Variants in HEMK2 observed in about 807,000 individuals in gnomAD.
HEMK2 encodes methyltransferase HEMK2.
At chr21:28,579,616 T>G in the HEMK2 span, among the ~76,000 whole-genome samples, 2 of 152,156 alleles carry the variant, frequency 1.3e-5, no homozygotes, top group African/African-American at 4.8e-5. Context: ...AATATATATT[T>G]AAGAGAGCTA....
the HEMK2 span, among the ~76,000 whole-genome samples, chr21:28,855,141 T>C: frequency 6.6e-6 from 1 of 151,992 alleles, no homozygotes; most frequent in East Asian, 1.9e-4. Flanking sequence ...ATGACACCTG[T>C]AGGCTCAAAG....
chr21:28,576,780 G>T, the HEMK2 span, among the ~76,000 whole-genome samples: 10 of 152,026 alleles, frequency 6.6e-5, no homozygotes, highest in African/African-American at 2.4e-4. Flanking sequence ...GTGCAATCTC[G>T]GTTCACTGCA....
the HEMK2 span, among the ~76,000 whole-genome samples, chr21:28,764,721 G>T: frequency 6.6e-6 from 1 of 152,100 alleles, no homozygotes; most frequent in African/African-American, 2.4e-5. Flanking sequence ...GGCTGCAGCT[G>T]TCAGGAAAGA....
the HEMK2 span, chr21:28,879,912 A>T: frequency 6.3e-7 from 1 of 1,599,726 alleles, no homozygotes; most frequent in Non-Finnish European, 8.5e-7. Context: ...TAAACACCAG[A>T]AGATCAACTT....
At chr21:28,733,008 G>T in the HEMK2 span, among the ~76,000 whole-genome samples, 1 of 152,146 alleles carries the variant, frequency 6.6e-6, no homozygotes, top group East Asian at 1.9e-4. Context: ...GACCAGGCGT[G>T]GTGGCTCATA....
chr21:28,794,166 A>T, the HEMK2 span, among the ~76,000 whole-genome samples: 31 of 152,330 alleles, frequency 2.0e-4, no homozygotes, highest in South Asian at 6.2e-3. Flanking sequence ...ATATACATAT[A>T]AATTCATTGC....
chr21:28,820,286 C>A, the HEMK2 span, among the ~76,000 whole-genome samples: 1 of 152,180 alleles, frequency 6.6e-6, no homozygotes, highest in Non-Finnish European at 1.5e-5. Flanking sequence ...TCCTCTGCCT[C>A]TCCCAAACAC....
At chr21:28,596,105 C>T in the HEMK2 span, among the ~76,000 whole-genome samples, 5 of 152,088 alleles carry the variant, frequency 3.3e-5, no homozygotes, top group Admixed American at 2.0e-4. Flanking sequence ...TGCAGTGGTG[C>T]GATCTCAGCT....
At chr21:28,622,590 C>T in the HEMK2 span, among the ~76,000 whole-genome samples, 1 of 152,102 alleles carries the variant, frequency 6.6e-6, no homozygotes, top group East Asian at 1.9e-4. Flanking sequence ...TACTACAAGT[C>T]TACAGTAACC....
chr21:28,654,313 C>A, the HEMK2 span, among the ~76,000 whole-genome samples: 2 of 152,098 alleles, frequency 1.3e-5, no homozygotes, highest in Non-Finnish European at 1.5e-5. Context: ...ATACTGTCTG[C>A]CTGCACAGAG....
the HEMK2 span, among the ~76,000 whole-genome samples, chr21:28,847,480 T>G: frequency 6.6e-6 from 1 of 152,218 alleles, no homozygotes; most frequent in East Asian, 1.9e-4. Flanking sequence ...ATTTGCTTTT[T>G]GCTTGTTAAT....
the HEMK2 span, among the ~76,000 whole-genome samples, chr21:28,770,098 T>C: frequency 6.6e-6 from 1 of 152,172 alleles, no homozygotes; most frequent in Non-Finnish European, 1.5e-5. Context: ...TTTATTTGCC[T>C]TCCCTAAAGC....
chr21:28,810,873 C>T, the HEMK2 span, among the ~76,000 whole-genome samples: 26 of 152,174 alleles, frequency 1.7e-4, no homozygotes, highest in Non-Finnish European at 3.2e-4. Context: ...AACCAGCATC[C>T]TCTACATCTG....
chr21:28,773,132 G>T, the HEMK2 span, among the ~76,000 whole-genome samples: 2 of 152,056 alleles, frequency 1.3e-5, no homozygotes, highest in African/African-American at 2.4e-5. Flanking sequence ...ACTTAATTTT[G>T]TTTCCATTGG....
At chr21:28,788,212 A>G in the HEMK2 span, among the ~76,000 whole-genome samples, 5 of 149,494 alleles carry the variant, frequency 3.3e-5, no homozygotes, top group Non-Finnish European at 5.9e-5. Flanking sequence ...ATATATACGT[A>G]TATATGTATA....
chr21:28,669,665 G>T, the HEMK2 span, among the ~76,000 whole-genome samples: 1 of 152,190 alleles, frequency 6.6e-6, no homozygotes, highest in African/African-American at 2.4e-5. Flanking sequence ...CTAAGCCCAA[G>T]CAAGAAGCCA....
the HEMK2 span, among the ~76,000 whole-genome samples, chr21:28,700,932 T>C: frequency 6.6e-6 from 1 of 152,004 alleles, no homozygotes; most frequent in Non-Finnish European, 1.5e-5. Context: ...CAGTAGCACA[T>C]CAGAAAGCTA....
At chr21:28,659,025 CCTGA>C in the HEMK2 span, among the ~76,000 whole-genome samples, 1 of 152,118 alleles carries the variant, frequency 6.6e-6, no homozygotes, top group African/African-American at 2.4e-5. Context: ...CCAGCTACTT[CCTGA>C]CTGTCAAAAA....
chr21:28,672,468 A>G, the HEMK2 span, among the ~76,000 whole-genome samples: 1 of 152,150 alleles, frequency 6.6e-6, no homozygotes, highest in African/African-American at 2.4e-5. Context: ...TTGCAAATAA[A>G]TGTTTGCTCC....
Sources: gnomAD v4.1 joint callset for allele counts (sites outside exome capture counted in the v4.1 genomes callset) on GRCh38, gnomAD v4.1.1 for gene constraint, MANE v1.5 for transcripts, NCBI Gene and HGNC (gene_info 2026-07-23, HGNC 2026-07-21) for gene names.